Variants in RPH3AL observed in about 807,000 individuals in gnomAD.
RPH3AL encodes the protein rabphilin 3A like (without C2 domains).
RPH3AL carries 38 observed loss-of-function variants against 43.1 expected under a neutral mutation model. The observed-to-expected ratio is 0.88, with a 90% CI of 0.68 to 1.15. RPH3AL has a LOEUF of 1.15. Among genes scored for constraint, RPH3AL ranks in the 50% most tolerant of loss-of-function variants. The pLI, the probability that RPH3AL is intolerant of heterozygous loss-of-function variation, is 0.00. For missense variants in RPH3AL, 462 were observed against 423.2 expected (o/e 1.09, Z -0.81); for synonymous variants, 189 against 176.3 (o/e 1.07, Z -0.57).
At chr17:232,118 G>A (rs1187290745) in intron 7 of RPH3AL, among the ~76,000 whole-genome samples, 6 of 152,184 alleles carry the variant, frequency 3.9e-5, no homozygotes, top group South Asian at 2.1e-4. Flanking sequence ...CAAAACACCC[G>A]CCAAGCAAGA....
intron 5 of RPH3AL, among the ~76,000 whole-genome samples, chr17:284,391 G>A (rs11650789): frequency 0.56 from 84,471 of 152,078 alleles, 26,092 homozygotes; most frequent in Non-Finnish European, 0.7. Flanking sequence ...AGGCTGGTGC[G>A]CACGGCTCTC....
At chr17:266,203 GGTGTGTGTGTGT>G (rs35841649) in intron 6 of RPH3AL, among the ~76,000 whole-genome samples, 53 of 148,618 alleles carry the variant, frequency 3.6e-4, no homozygotes, top group African/African-American at 1.1e-3. Flanking sequence ...AGGCCCCAGT[GGTGTGTGTGTGT>G]GTGTGTGTGT....
intron 5 of RPH3AL, among the ~76,000 whole-genome samples, chr17:305,395 G>A (rs1467809171): frequency 6.6e-6 from 1 of 152,046 alleles, no homozygotes. Flanking sequence ...CCTGGCAGCT[G>A]CGGGGGCTGG....
intron 7 of RPH3AL, among the ~76,000 whole-genome samples, chr17:241,308 A>G (rs2041528205): frequency 6.6e-6 from 1 of 152,024 alleles, no homozygotes; most frequent in African/African-American, 2.4e-5. Context: ...AGGTAGGAGG[A>G]TCACGTGAGC....
intron 1 of RPH3AL, among the ~76,000 whole-genome samples, chr17:351,673 G>A (rs56213032): frequency 0.15 from 22,800 of 152,074 alleles, 2,170 homozygotes; most frequent in East Asian, 0.28. Flanking sequence ...GCTCCCGTAC[G>A]ATTCTTTACT....
intron 9 of RPH3AL, 46 bp from the exon 10 acceptor site, chr17:213,969 T>C (rs1414833342): frequency 7.0e-7 from 1 of 1,433,598 alleles, no homozygotes; most frequent in Admixed American, 1.8e-5. Flanking sequence ...AGCGGTGGAG[T>C]CCCTCCCTCC....
At chr17:251,750 G>A (rs1442479406) in intron 6 of RPH3AL, among the ~76,000 whole-genome samples, 1 of 152,204 alleles carries the variant, frequency 6.6e-6, no homozygotes, top group Admixed American at 6.5e-5. Flanking sequence ...GGGGCCATGG[G>A]GTGCCAGCCA....
intron 1 of RPH3AL, among the ~76,000 whole-genome samples, chr17:335,218 G>A (rs984230688): frequency 2.0e-5 from 3 of 152,182 alleles, no homozygotes; most frequent in Non-Finnish European, 2.9e-5. Flanking sequence ...GGGTGCAGGT[G>A]TCCGGGTGAG....
At chr17:315,911 T>A (rs1166235774) in intron 5 of RPH3AL, among the ~76,000 whole-genome samples, 4 of 151,172 alleles carry the variant, frequency 2.6e-5, no homozygotes, top group Non-Finnish European at 1.5e-5. Context: ...CCACCTCCAC[T>A]GATGTGTAGT....
intron 7 of RPH3AL, among the ~76,000 whole-genome samples, chr17:222,922 G>T (rs1181667236): frequency 6.6e-6 from 1 of 152,224 alleles, no homozygotes; most frequent in Non-Finnish European, 1.5e-5. Flanking sequence ...GGGTGTGGTG[G>T]CTCACGCCTG....
At position 299,906 on chromosome 17, in the gene RPH3AL, G is replaced by C. The variant is rs112796588; in HGVS notation, c.352-18052C>G. Among the ~76,000 whole-genome samples, 1,340 of 152,340 alleles carry C rather than the reference G, an allele frequency of 8.8e-3. 18 individuals are homozygous for C. The highest frequency in any genetic ancestry group is 0.031 in the African/African-American group (1,276 of 41,570). On this transcript the variant is annotated intron_variant, in intron 5 of 9. Coordinates refer to ENST00000331302, the MANE Select transcript of RPH3AL (RefSeq NM_006987.4). ...TGAGCCTAGGGGGCAGGTGTCCCGG[G>C]GGAGAAGGAGTCCCTGCAGGACAGC...
intron 2 of RPH3AL, chr17:331,565 G>C (rs558489342): frequency 7.3e-5 from 93 of 1,274,158 alleles, no homozygotes; most frequent in Non-Finnish European, 8.2e-5. Context: ...CAGATGGTGG[G>C]AGAGGAAGGG....
Position 289,215 on chromosome 17 carries a change from G to A in RPH3AL, c.352-7361C>T, listed in dbSNP as rs538894426. On this transcript the variant is annotated intron_variant, in intron 5 of 9. Coordinates refer to ENST00000331302, the MANE Select transcript of RPH3AL (RefSeq NM_006987.4). This position sits in a 1 kb window ranked among gnomAD's most constrained non-coding sequence, Gnocchi z 5.2. ...TGCAGATGAGGGGATCAAGGGAGAC[G>A]GTCATGAAAGTGCTCAGCACCATAA... Among the ~76,000 whole-genome samples, 14 of 152,194 alleles carry A rather than the reference G, an allele frequency of 9.2e-5. No homozygotes were observed. In the South Asian group the frequency reaches 1.0e-3, roughly 11 times the overall value.
At chr17:332,024 C>A in intron 2 of RPH3AL, 1 of 482,848 alleles carries the variant, frequency 2.1e-6, no homozygotes, top group Non-Finnish European at 3.6e-6. Context: ...GTGGACAGGG[C>A]TGGTGGAGCT....
chr17:348,093 T>TA (rs71145709), intron 1 of RPH3AL, among the ~76,000 whole-genome samples: 28,321 of 142,156 alleles, frequency 0.2, 3,144 homozygotes, highest in Non-Finnish European at 0.26. Context: ...AAGGAGCAGT[T>TA]AAAAAAAAAA....
rs2041772946 is a variant in RPH3AL, at chr17:246,679, T to C, written c.613+432A>G. 6.6e-6 allele frequency among the ~76,000 whole-genome samples: 1 copy of C among 152,034 alleles called. No homozygotes were observed. Among genetic ancestry groups the C allele is most frequent in the Non-Finnish European group, 1.5e-5 (1 of 68,006 alleles). ...CTGGGATACAAAGTCACCATACTTA[T>C]TAGGACCAGGGAAGCCAGGAGTCCT... On this transcript the variant is annotated intron_variant, in intron 7 of 9. Transcript: ENST00000331302. The surrounding 1 kb of genome is among the most constrained non-coding windows in gnomAD (Gnocchi z 4.8).
chr17:266,820 C>T (rs2042336201), intron 6 of RPH3AL, among the ~76,000 whole-genome samples: 2 of 152,250 alleles, frequency 1.3e-5, no homozygotes, highest in African/African-American at 4.8e-5. Flanking sequence ...TAACCCCTGG[C>T]CGGGGACTGG....
chr17:263,881 A>G (rs1353455297), intron 6 of RPH3AL, among the ~76,000 whole-genome samples: 1 of 152,176 alleles, frequency 6.6e-6, no homozygotes, highest in Non-Finnish European at 1.5e-5. Context: ...AACCGCCCGG[A>G]GTCGGAATTG....
At chr17:220,173 G>C (rs1162833164) in intron 7 of RPH3AL, among the ~76,000 whole-genome samples, 1 of 152,096 alleles carries the variant, frequency 6.6e-6, no homozygotes, top group East Asian at 1.9e-4. Flanking sequence ...TGAGACAATA[G>C]ACCCAAGCAC....
Sources: gnomAD v4.1 joint callset for allele counts (sites outside exome capture counted in the v4.1 genomes callset) on GRCh38, gnomAD v4.1.1 for gene constraint, Gnocchi (gnomAD v3.1) non-coding constraint, MANE v1.5 for transcripts, NCBI Gene and HGNC (gene_info 2026-07-23, HGNC 2026-07-21) for gene names.